Variants in GRM5 observed in about 807,000 individuals in gnomAD.
The protein encoded by GRM5 is glutamate metabotropic receptor 5.
A neutral mutation model predicts 83.1 loss-of-function variants in GRM5; 19 were observed. That is an observed-to-expected ratio of 0.23 (90% CI 0.16 to 0.34). The LOEUF (loss-of-function observed/expected upper bound fraction) is 0.34. GRM5 is among the 10% of genes least tolerant of loss of function. The probability of loss-of-function intolerance (pLI) is 1.00; values close to 1 mark genes in which losing one functional copy is unlikely to be tolerated. For missense variants in GRM5, 1,160 were observed against 1,588.3 expected (o/e 0.73, Z 4.58); for synonymous variants, 675 against 633.6 (o/e 1.07, Z -0.98).
intron 2 of GRM5, among the ~76,000 whole-genome samples, chr11:88,967,195 ATG>A (rs200009930): frequency 0.01 from 1,471 of 146,022 alleles, 16 homozygotes; most frequent in African/African-American, 0.027. Flanking sequence ...AAGAAGATAT[ATG>A]TGTGTGTGTG....
chr11:88,885,700 T>C (rs1049887791), intron 2 of GRM5, among the ~76,000 whole-genome samples: 3 of 152,024 alleles, frequency 2.0e-5, no homozygotes, highest in East Asian at 3.9e-4. Context: ...CTCTTTGATA[T>C]AGAAGTTAAA....
At chr11:88,890,848 C>T (rs1945133263) in intron 2 of GRM5, among the ~76,000 whole-genome samples, 1 of 152,048 alleles carries the variant, frequency 6.6e-6, no homozygotes, top group Non-Finnish European at 1.5e-5. Flanking sequence ...TAAGAGTTAA[C>T]AGTGCAGCAT....
intron 2 of GRM5, among the ~76,000 whole-genome samples, chr11:88,865,556 A>C (rs1944648112): frequency 6.6e-6 from 1 of 151,334 alleles, no homozygotes; most frequent in Non-Finnish European, 1.5e-5. Context: ...CAAAATTGAC[A>C]AATGGGATCT....
At chr11:88,630,075 C>T (rs957360384) in intron 4 of GRM5, among the ~76,000 whole-genome samples, 1 of 152,190 alleles carries the variant, frequency 6.6e-6, no homozygotes, top group East Asian at 1.9e-4. Context: ...ATCATCTTCT[C>T]CCTTAACGAC....
At chr11:89,057,833 A>G (rs184969887) in intron 1 of GRM5, among the ~76,000 whole-genome samples, 62 of 152,312 alleles carry the variant, frequency 4.1e-4, no homozygotes, top group Middle Eastern at 3.4e-3. Context: ...ACTTATTAAT[A>G]CATAATATTT....
At chr11:88,757,213 G>T (rs1942412460) in intron 3 of GRM5, among the ~76,000 whole-genome samples, 1 of 152,176 alleles carries the variant, frequency 6.6e-6, no homozygotes, top group Admixed American at 6.6e-5. Context: ...TCCTTTGAAA[G>T]TTCGGGAGAT....
intron 7 of GRM5, among the ~76,000 whole-genome samples, chr11:88,584,413 T>C (rs1041461598): frequency 6.6e-6 from 1 of 152,014 alleles, no homozygotes; most frequent in Non-Finnish European, 1.5e-5. Context: ...CCATCATGAT[T>C]GCATTTTCTT....
intron 7 of GRM5, among the ~76,000 whole-genome samples, chr11:88,583,114 G>GTA (rs111498481): frequency 7.5e-5 from 11 of 145,788 alleles, no homozygotes; most frequent in African/African-American, 2.0e-4. Context: ...TTATTAAAAG[G>GTA]CAAAAAAAAA....
chr11:88,567,962 C>T lies in GRM5; in HGVS notation c.1721G>A (p.Arg574Gln), dbSNP rs951182303. The T allele has an allele frequency of 1.3e-5, 21 of 1,613,448 alleles. No individual in the cohort carries two copies. The highest frequency in any genetic ancestry group is 2.2e-5 in the South Asian group (2 of 91,026). The change falls in exon 8 of 10, where the codon CGA becomes CAA. Residue 574 changes from arginine (R) to glutamine (Q), a missense_variant. By Grantham distance (43) the Arg-to-Gln change is conservative. Coordinates refer to ENST00000305447, the MANE Select transcript of GRM5 (RefSeq NM_001143831.3). This position sits in a 1 kb window ranked among gnomAD's most constrained non-coding sequence, Gnocchi z 7.3. ...TGCAATGGGTTCAGGGTCACCCCAT[C>T]GAAGATACTGTACTGGGATCAAGTC... ...GCDLIPVQYL[R>Q]WGDPEPIAAV...
At chr11:88,637,370 C>G (rs974439119) in intron 4 of GRM5, among the ~76,000 whole-genome samples, 4 of 151,370 alleles carry the variant, frequency 2.6e-5, no homozygotes, top group Non-Finnish European at 5.9e-5. Context: ...AACAGGCAAC[C>G]TACAAAATGG....
chr11:88,818,786 C>T (rs895706106), intron 3 of GRM5, among the ~76,000 whole-genome samples: 21 of 151,898 alleles, frequency 1.4e-4, no homozygotes, highest in African/African-American at 4.8e-4. Context: ...CAGCAGAAGA[C>T]ACTAAAAGTA....
chr11:88,674,253 T>G (rs2135336509), intron 3 of GRM5, among the ~76,000 whole-genome samples: 1 of 152,044 alleles, frequency 6.6e-6, no homozygotes, highest in Non-Finnish European at 1.5e-5. Context: ...CCCTGTTTTC[T>G]TCCTCTCTAT....
At chr11:88,530,307 A>G (rs150523818) in intron 8 of GRM5, among the ~76,000 whole-genome samples, 26 of 152,176 alleles carry the variant, frequency 1.7e-4, no homozygotes, top group African/African-American at 6.3e-4. Context: ...ATGGATTTCT[A>G]GATTTATGCC....
intron 4 of GRM5, among the ~76,000 whole-genome samples, chr11:88,620,733 T>TG (rs1448266725): frequency 6.6e-6 from 1 of 152,212 alleles, no homozygotes; most frequent in African/African-American, 2.4e-5. Flanking sequence ...AACACTATAC[T>TG]GCCTATTCTT....
chr11:88,690,999 A>C (rs1940768006), intron 3 of GRM5, among the ~76,000 whole-genome samples: 1 of 152,184 alleles, frequency 6.6e-6, no homozygotes, highest in Non-Finnish European at 1.5e-5. Flanking sequence ...CTGATATGTG[A>C]AGTTTGTAAA....
chr11:88,942,430 T>C (rs759238691), intron 2 of GRM5, among the ~76,000 whole-genome samples: 1 of 152,028 alleles, frequency 6.6e-6, no homozygotes, highest in Non-Finnish European at 1.5e-5. Context: ...AAATACAATT[T>C]GACGAGTCTC....
At chr11:88,778,064 T>A (rs1942896096) in intron 3 of GRM5, among the ~76,000 whole-genome samples, 1 of 152,022 alleles carries the variant, frequency 6.6e-6, no homozygotes, top group East Asian at 2.0e-4. Flanking sequence ...CCCACCGAGA[T>A]GGAGTCTAGA....
At chr11:88,736,075 A>T (rs2892293) in intron 3 of GRM5, among the ~76,000 whole-genome samples, 18,726 of 152,068 alleles carry the variant, frequency 0.12, 1,531 homozygotes, top group Middle Eastern at 0.2. Flanking sequence ...TTTGTGGTCA[A>T]CCTATTTATG....
intron 3 of GRM5, among the ~76,000 whole-genome samples, chr11:88,686,424 C>G (rs1220160910): frequency 2.0e-5 from 3 of 152,074 alleles, no homozygotes; most frequent in African/African-American, 7.2e-5. Flanking sequence ...TCAGATGAGG[C>G]TTTGAACTGT....
Sources: gnomAD v4.1 joint callset for allele counts (sites outside exome capture counted in the v4.1 genomes callset) on GRCh38, gnomAD v4.1.1 for gene constraint, Gnocchi (gnomAD v3.1) non-coding constraint, MANE v1.5 for transcripts, NCBI Gene and HGNC (gene_info 2026-07-23, HGNC 2026-07-21) for gene names.